The following FOXN1 variants were observed in gnomAD, a reference collection of about 807,000 sequenced individuals.
The protein encoded by FOXN1 is forkhead box N1.
Under a neutral mutation model 49.0 loss-of-function variants are expected in FOXN1, and 15 were observed. The ratio of observed to expected loss-of-function variants is 0.31; its 90% confidence interval spans 0.20 to 0.47. FOXN1 has a LOEUF of 0.47. Ranked by LOEUF, FOXN1 falls within the 20% of genes least tolerant of loss-of-function variation. The pLI is 1.00. For missense variants in FOXN1, 800 were observed against 842.8 expected, an observed-to-expected ratio of 0.95 and a Z score of 0.63; for synonymous variants, 356 against 369.0, an observed-to-expected ratio of 0.96 and a Z score of 0.40.
chr17:28,520,364 A>T (rs2069615346), intron 1 of FOXN1, among the ~76,000 whole-genome samples: 1 of 152,224 alleles, frequency 6.6e-6, no homozygotes, highest in Non-Finnish European at 1.5e-5. Flanking sequence ...GTGTGGCCTT[A>T]GGAAAGTCAC....
At chr17:28,506,477 G>A (rs1272858987) in intron 1 of FOXN1, 34 bp downstream of exon 1, 1 of 152,370 alleles carries the variant, frequency 6.6e-6, no homozygotes, top group Non-Finnish European at 1.5e-5. Flanking sequence ...CAGCCGTGGA[G>A]GCCAGCAGGG....
intron 1 of FOXN1, among the ~76,000 whole-genome samples, chr17:28,513,620 G>C (rs749829845): frequency 2.0e-5 from 3 of 152,266 alleles, no homozygotes; most frequent in Non-Finnish European, 2.9e-5. Flanking sequence ...TGGGGCATGT[G>C]ACCTGCCTGC....
In FOXN1 at chr17:28,534,385, T is replaced by C; in HGVS notation, c.982T>C (p.Cys328Arg). The C allele has an allele frequency of 6.2e-7, 1 of 1,614,068 alleles. No homozygotes were observed. The highest frequency in any genetic ancestry group is 8.5e-7 in the Non-Finnish European group (1 of 1,180,000). Residue 328 changes from cysteine to arginine, a missense_variant, in exon 7 of 9, where the codon TGC becomes CGC. Around this residue, in one of 3 missense-constraint regions of FOXN1, gnomAD observed 73 missense variants for 118.9 expected, o/e 0.61. Transcript: ENST00000579795. This position sits in a 1 kb window ranked among gnomAD's most constrained non-coding sequence, Gnocchi z 4.1. Reference sequence around the variant, plus strand: ...CCGGCACAACCTATCCCTCAACAAGTGCTTCGAGAAGGTGGAGAACAAATC... The same window carrying C: ...CCGGCACAACCTATCCCTCAACAAGCGCTTCGAGAAGGTGGAGAACAAATC... ...SVRHNLSLNKCFEKVENKSGS... is the reference protein window; with the variant it reads ...SVRHNLSLNKRFEKVENKSGS...
At chr17:28,529,419 G>T (rs930652762) in intron 5 of FOXN1, among the ~76,000 whole-genome samples, 195 bp downstream of exon 5, 14 of 152,272 alleles carry the variant, frequency 9.2e-5, no homozygotes, top group South Asian at 4.1e-4. Context: ...CTGACCCTTT[G>T]TCTAAGCCTG....
chr17:28,514,072 A>C (rs932928200), intron 1 of FOXN1, among the ~76,000 whole-genome samples: 1 of 152,212 alleles, frequency 6.6e-6, no homozygotes, highest in African/African-American at 2.4e-5. Flanking sequence ...AATAGGGATT[A>C]GAGATCTGGA....
At chr17:28,509,983 C>T (rs899359579) in intron 1 of FOXN1, among the ~76,000 whole-genome samples, 1 of 152,138 alleles carries the variant, frequency 6.6e-6, no homozygotes, top group Non-Finnish European at 1.5e-5. Context: ...TTCGCTGAAT[C>T]GTGATCTCTT....
chr17:28,537,288 C>T lies in FOXN1; in HGVS notation c.1799C>T (p.Pro600Leu), dbSNP rs760813122. The T allele has an allele frequency of 2.1e-5, 34 of 1,613,854 alleles. No homozygotes were observed. The highest frequency in any genetic ancestry group is 1.1e-4 in the East Asian group (5 of 44,882). Residue 600 changes from proline (P) to leucine (L), a missense_variant, in exon 9 of 9, where the codon CCG becomes CTG. Pro to Leu is a moderately conservative substitution (Grantham distance 98). This residue lies in a region of FOXN1 where 344 missense variants were observed against 366.1 expected (regional missense o/e 0.94). Coordinates refer to ENST00000579795, the MANE Select transcript of FOXN1 (RefSeq NM_001369369.1). ...TGSGAGDLAA[P>L]GSGGSGALGD... is the part of the protein sequence containing the mutation. ...AGTGGGGCAGGTGACTTGGCAGCCC[C>T]GGGCAGTGGTGGCTCCGGGGCACTG...
At chr17:28,535,773 G>T (rs2070048373) in intron 8 of FOXN1, among the ~76,000 whole-genome samples, 1 of 152,184 alleles carries the variant, frequency 6.6e-6, no homozygotes, top group Non-Finnish European at 1.5e-5. Context: ...ACCACTCTCA[G>T]CTCTGGAGAG....
chr17:28,534,256 T>C lies in FOXN1; in HGVS notation c.928-75T>C, dbSNP rs2069991867. 5.0e-6 allele frequency: 8 copies of C among 1,610,278 alleles called. No homozygotes were observed. Among genetic ancestry groups the C allele is most frequent in the Non-Finnish European group, 5.9e-6 (7 of 1,179,272 alleles). The stretch of plus-strand genomic sequence containing the variant: ...GTGCCCAGAGGAGAAACAGGAGTGT[T>C]CTAGAACCCAGACCTGAAGCCCGCT... On this transcript the variant is annotated intron_variant, in intron 6 of 8. Transcript: ENST00000579795. The surrounding 1 kb of genome is among the most constrained non-coding windows in gnomAD (Gnocchi z 4.1).
At chr17:28,506,756 T>C (rs151121276) in intron 1 of FOXN1, among the ~76,000 whole-genome samples, 14 of 152,300 alleles carry the variant, frequency 9.2e-5, no homozygotes, top group African/African-American at 3.1e-4. Flanking sequence ...ACCCACCCTG[T>C]GCTGGGAGGA....
chr17:28,513,309 T>A (rs1468938556), intron 1 of FOXN1, among the ~76,000 whole-genome samples: 3 of 152,068 alleles, frequency 2.0e-5, no homozygotes, highest in Non-Finnish European at 4.4e-5. Flanking sequence ...CATTCACGGG[T>A]AGGTCAAGGA....
At chr17:28,520,568 T>C (rs895384443) in intron 1 of FOXN1, among the ~76,000 whole-genome samples, 1 of 152,184 alleles carries the variant, frequency 6.6e-6, no homozygotes, top group Non-Finnish European at 1.5e-5. Flanking sequence ...TCCTTGGTTC[T>C]CATCCTGTCC....
intron 1 of FOXN1, among the ~76,000 whole-genome samples, chr17:28,512,805 G>A (rs2069419934): frequency 6.6e-6 from 1 of 152,136 alleles, no homozygotes; most frequent in African/African-American, 2.4e-5. Context: ...GAGGCAGGAG[G>A]GTGGAGGAGG....
At position 28,518,397 on chromosome 17, in the gene FOXN1, C is replaced by T. The variant is rs183195135; in HGVS notation, c.-14-5559C>T. Among the ~76,000 whole-genome samples, 325 of 152,358 alleles carry T rather than the reference C, an allele frequency of 2.1e-3. 2 individuals carry two copies. Among genetic ancestry groups the T allele is most frequent in the Middle Eastern group, 0.017 (5 of 294 alleles). On this transcript the variant is annotated intron_variant, in intron 1 of 8. Coordinates refer to ENST00000579795, the MANE Select transcript of FOXN1 (RefSeq NM_001369369.1). ...CTGGCTTCCACTCCTAAACGGCCCC[C>T]TCTGCCTGAGTCCTAAGGAGCCAAG... is the stretch of plus-strand genomic sequence containing the variant.
Position 28,534,037 on chromosome 17 carries a change from C to T in FOXN1, c.928-294C>T, listed in dbSNP as rs547632478. ...GTCAGAAGGCCTCTGTAGCGCCCAC[C>T]AGCCCTGGCTTTCCGAATCACCTCG... is the stretch of plus-strand genomic sequence containing the variant. On this transcript the variant is annotated intron_variant, in intron 6 of 8. Transcript: ENST00000579795. The surrounding 1 kb of genome is among the most constrained non-coding windows in gnomAD (Gnocchi z 4.1). 9.6e-4 allele frequency among the ~76,000 whole-genome samples: 146 copies of T among 152,302 alleles called. No individual in the cohort carries two copies. The highest frequency in any genetic ancestry group is 3.4e-3 in the African/African-American group (141 of 41,566).
Position 28,534,291 on chromosome 17 carries a change from T to C in FOXN1, c.928-40T>C, listed in dbSNP as rs1422638889. 1 of 1,613,794 alleles carries C rather than the reference T, an allele frequency of 6.2e-7. No individual in the cohort carries two copies. The highest frequency in any genetic ancestry group is 2.2e-5 in the East Asian group (1 of 44,890). On this transcript the variant is annotated intron_variant, in intron 6 of 8. Transcript: ENST00000579795. The surrounding 1 kb of genome is among the most constrained non-coding windows in gnomAD (Gnocchi z 4.1). ...AGACCTGAAGCCCGCTCTGGCTTCC[T>C]GAGCCTGGCCTGAATGCTTGTCTTG...
chr17:28,535,334 G>A (rs2070034939), intron 8 of FOXN1, 136 bp downstream of exon 8: 3 of 897,044 alleles, frequency 3.3e-6, no homozygotes, highest in African/African-American at 1.7e-5. Flanking sequence ...AGAGGAGGCT[G>A]GACCTGGCAG....
At chr17:28,533,868 G>A (rs530256360) in intron 6 of FOXN1, among the ~76,000 whole-genome samples, 3 of 152,304 alleles carry the variant, frequency 2.0e-5, no homozygotes, top group African/African-American at 7.2e-5. Flanking sequence ...AGACCCAGGA[G>A]AGGAGCATTC....
rs543518406 is a variant in FOXN1, at chr17:28,508,429, A to G, written c.-15+1986A>G. Among the ~76,000 whole-genome samples the G allele has an allele frequency of 3.3e-5, 5 of 152,274 alleles. No individual in the cohort carries two copies. In the South Asian group the frequency reaches 8.3e-4, roughly 25 times the overall value. ...CATGTGCCATCCGTTGCCTCAGGGA[A>G]AGCCTTCCTTTCCCCCCATCCCCCA... is the stretch of plus-strand genomic sequence containing the variant. On this transcript the variant is annotated intron_variant, in intron 1 of 8. Transcript: ENST00000579795.
Sources: allele counts gnomAD v4.1 joint callset (sites outside exome capture counted in the v4.1 genomes callset), GRCh38; gene constraint gnomAD v4.1.1; regional missense constraint gnomAD v4.1.1; non-coding constraint Gnocchi (gnomAD v3.1); transcripts MANE v1.5; gene names NCBI Gene and HGNC (gene_info 2026-07-23, HGNC 2026-07-21).